Variants in PRR5L observed in about 807,000 individuals in gnomAD.
The protein encoded by PRR5L is proline-rich protein 5-like.
PRR5L carries 21 observed loss-of-function variants against 36.4 expected under a neutral mutation model. The ratio of observed to expected loss-of-function variants is 0.58; its 90% CI spans 0.41 to 0.83. The LOEUF (loss-of-function observed/expected upper bound fraction) is 0.83. Among genes scored for constraint, PRR5L ranks in the 40% least tolerant of loss-of-function variants. The pLI is 0.00. For missense variants in PRR5L, 381 were observed against 473.3 expected, an observed-to-expected ratio of 0.80 and a Z score of 1.81; for synonymous variants, 188 against 197.0, an observed-to-expected ratio of 0.95 and a Z score of 0.38.
At chr11:36,342,347 A>C (rs1277456222) in intron 1 of PRR5L, among the ~76,000 whole-genome samples, 1 of 152,186 alleles carries the variant, frequency 6.6e-6, no homozygotes, top group South Asian at 2.1e-4. Flanking sequence ...ACGGGGGCGA[A>C]ATATGCCCCA....
chr11:36,329,493 G>T (rs1856697501), intron 1 of PRR5L, among the ~76,000 whole-genome samples: 1 of 152,098 alleles, frequency 6.6e-6, no homozygotes. Context: ...TAACCCACAG[G>T]GTGAGTCATA....
intron 8 of PRR5L, chr11:36,454,103 T>C (rs1223649536): frequency 6.6e-6 from 1 of 152,070 alleles, no homozygotes; most frequent in Non-Finnish European, 1.5e-5. Context: ...AAGTGAGGAT[T>C]AAGGTAACAT....
In PRR5L at chr11:36,403,388, A is replaced by T; in HGVS notation, c.245+10A>T. On this transcript the variant is annotated intron_variant, in intron 3 of 8. Coordinates refer to ENST00000530639, the MANE Select transcript of PRR5L (RefSeq NM_001160167.2). The stretch of plus-strand genomic sequence containing the variant: ...TGAACGAAAACATCAGGTATGTGGC[A>T]GGCCAGACTTGGTGCCATTTTCCCC... 6.2e-7 allele frequency: 1 copy of T among 1,612,214 alleles called. No homozygotes were observed. The highest frequency in any genetic ancestry group is 2.2e-5 in the East Asian group (1 of 44,854).
At chr11:36,342,013 A>C (rs1478382502) in intron 1 of PRR5L, among the ~76,000 whole-genome samples, 1 of 152,230 alleles carries the variant, frequency 6.6e-6, no homozygotes, top group Non-Finnish European at 1.5e-5. Context: ...CTGTGATTCC[A>C]TCTACAAGCC....
chr11:36,456,768 A>G (rs931024376), intron 8 of PRR5L, among the ~76,000 whole-genome samples: 3 of 152,258 alleles, frequency 2.0e-5, no homozygotes, highest in African/African-American at 4.8e-5. Context: ...CTTAGTAAAT[A>G]GTTCCTCCTA....
chr11:36,445,978 G>A (rs898719436), intron 6 of PRR5L, among the ~76,000 whole-genome samples: 12 of 152,126 alleles, frequency 7.9e-5, no homozygotes, highest in Non-Finnish European at 1.8e-4. Context: ...AGGTAGTATT[G>A]ATCTTCTCTT....
intron 4 of PRR5L, among the ~76,000 whole-genome samples, chr11:36,428,419 C>G (rs182937815): frequency 3.8e-4 from 58 of 152,306 alleles, no homozygotes; most frequent in African/African-American, 1.4e-3. Flanking sequence ...CTTTGGGGCT[C>G]CAATTCTCTA....
chr11:36,410,379 C>A (rs953102132), intron 3 of PRR5L, among the ~76,000 whole-genome samples: 1 of 152,124 alleles, frequency 6.6e-6, no homozygotes, highest in African/African-American at 2.4e-5. Context: ...CCTTACAGTA[C>A]ACACTCACTT....
intron 1 of PRR5L, among the ~76,000 whole-genome samples, chr11:36,387,618 A>G (rs1303873847): frequency 1.3e-5 from 2 of 152,180 alleles, no homozygotes; most frequent in Admixed American, 1.3e-4. Context: ...GGCTGAATGC[A>G]CAGCCAGAGA....
intron 6 of PRR5L, among the ~76,000 whole-genome samples, chr11:36,445,586 G>A (rs1048566289): frequency 2.6e-5 from 4 of 152,006 alleles, no homozygotes; most frequent in East Asian, 1.9e-4. Flanking sequence ...GGTTTGAAAC[G>A]CAGCTGTACT....
chr11:36,400,686 A>G (rs1857772812), intron 1 of PRR5L, among the ~76,000 whole-genome samples: 1 of 152,180 alleles, frequency 6.6e-6, no homozygotes, highest in South Asian at 2.1e-4. Context: ...GGCCACAGGA[A>G]CCCAGGCAGT....
At position 36,445,871 on chromosome 11, in the gene PRR5L, A is replaced by C. The variant is rs557007553; in HGVS notation, c.445-429A>C. 2.0e-5 allele frequency among the ~76,000 whole-genome samples: 3 copies of C among 152,352 alleles called. No individual in the cohort carries two copies. In the South Asian group the frequency reaches 6.2e-4, roughly 32 times the overall value. On this transcript the variant is annotated intron_variant, in intron 6 of 8. Transcript: ENST00000530639. ...TCTTCCTAAATTACAGTATTTATACAACAATCTAAGAGGTCCTGTGTTTTC... is the reference window on the plus strand; with the variant it reads ...TCTTCCTAAATTACAGTATTTATACCACAATCTAAGAGGTCCTGTGTTTTC...
chr11:36,392,076 T>C (rs1018705400), intron 1 of PRR5L, among the ~76,000 whole-genome samples: 8 of 152,242 alleles, frequency 5.3e-5, no homozygotes, highest in Admixed American at 4.6e-4. Context: ...AGTCTGTTGT[T>C]CTGTGGCTGG....
chr11:36,452,208 A>T (rs937586801), intron 8 of PRR5L, among the ~76,000 whole-genome samples: 2 of 152,228 alleles, frequency 1.3e-5, no homozygotes, highest in Admixed American at 6.5e-5. Context: ...AGATGATGGC[A>T]GCAACGGTAC....
chr11:36,307,366 G>A lies in PRR5L; in HGVS notation c.-126+10928G>A, dbSNP rs769739351. Among the ~76,000 whole-genome samples, 146 of 152,130 alleles carry A rather than the reference G, an allele frequency of 9.6e-4. 1 individual carries two copies. Among genetic ancestry groups the A allele is most frequent in the Non-Finnish European group, 1.2e-3 (81 of 68,030 alleles). On this transcript the variant is annotated intron_variant, in intron 1 of 8. Coordinates refer to ENST00000530639, the MANE Select transcript of PRR5L (RefSeq NM_001160167.2). ...TGGCAGAGGTAGATACTGTTAAGAC[G>A]CTTTCAACTTCAAGTCAAGAGTCAT... is the stretch of plus-strand genomic sequence containing the variant.
chr11:36,397,388 G>A (rs1014433949), intron 1 of PRR5L, among the ~76,000 whole-genome samples: 5 of 141,022 alleles, frequency 3.5e-5, no homozygotes, highest in Non-Finnish European at 7.7e-5. Context: ...TGAGGGTTGA[G>A]TAAGTTTATG....
intron 8 of PRR5L, among the ~76,000 whole-genome samples, chr11:36,451,764 T>C (rs1858950278): frequency 6.6e-6 from 1 of 152,234 alleles, no homozygotes; most frequent in Non-Finnish European, 1.5e-5. Flanking sequence ...GGCCAACTTG[T>C]ATGCATGGCC....
chr11:36,361,221 T>C lies in PRR5L; in HGVS notation c.-125-39776T>C, dbSNP rs569304982. Among the ~76,000 whole-genome samples the C allele has an allele frequency of 6.6e-5, 10 of 152,294 alleles. No individual in the cohort carries two copies. The East Asian group carries it at 1.9e-3, about 29-fold the overall frequency. ...GGAGTTTTCCGGAGGTGACATGGCA[T>C]TGGTATTGCAACAGACTAAGTGCAC... is the stretch of plus-strand genomic sequence containing the variant. On this transcript the variant is annotated intron_variant, in intron 1 of 8. Transcript: ENST00000530639.
chr11:36,383,695 C>CTTTTTT (rs34900545), intron 1 of PRR5L, among the ~76,000 whole-genome samples: 1 of 109,258 alleles, frequency 9.2e-6, no homozygotes, highest in African/African-American at 3.3e-5. Context: ...CTTTCTTTTC[C>CTTTTTT]TTTTTTTTTT....
Sources: allele counts gnomAD v4.1 joint callset (sites outside exome capture counted in the v4.1 genomes callset), GRCh38; gene constraint gnomAD v4.1.1; transcripts MANE v1.5; gene names NCBI Gene and HGNC (gene_info 2026-07-23, HGNC 2026-07-21).